Variants in FHIT observed in about 807,000 individuals in gnomAD.
FHIT encodes fragile histidine triad diadenosine triphosphatase.
FHIT carries 19 observed loss-of-function variants against 17.9 expected under a neutral mutation model. That is an observed-to-expected ratio of 1.06 (90% CI 0.74 to 1.56). The LOEUF (loss-of-function observed/expected upper bound fraction) is 1.56. FHIT is among the 40% of genes most tolerant of loss of function. The probability of loss-of-function intolerance (pLI) is 0.00; values close to 1 mark genes in which losing one functional copy is unlikely to be tolerated. For synonymous variants in FHIT, 81 were observed against 69.7 expected (o/e 1.16, Z -0.81); for missense variants, 248 against 189.2 (o/e 1.31, Z -1.82).
intron 4 of FHIT, among the ~76,000 whole-genome samples, chr3:60,571,069 TG>T (rs1202619681): frequency 6.6e-6 from 1 of 152,066 alleles, no homozygotes; most frequent in African/African-American, 2.4e-5. Context: ...GGCTCTCACC[TG>T]TAATCCCAGC....
intron 5 of FHIT, among the ~76,000 whole-genome samples, chr3:60,395,905 T>C (rs570753687): frequency 8.7e-4 from 132 of 152,262 alleles, no homozygotes; most frequent in African/African-American, 3.1e-3. Flanking sequence ...GATTAGTGCT[T>C]AGATTCCATC....
chr3:60,174,238 C>T (rs984309316), intron 5 of FHIT, among the ~76,000 whole-genome samples: 1 of 151,368 alleles, frequency 6.6e-6, no homozygotes, highest in African/African-American at 2.4e-5. Context: ...GACTGAAGTG[C>T]TTTTTAAAAA....
chr3:60,700,975 G>A (rs72875000), intron 4 of FHIT, among the ~76,000 whole-genome samples: 81 of 152,090 alleles, frequency 5.3e-4, no homozygotes, highest in African/African-American at 1.9e-3. Context: ...ATTGTTTAAT[G>A]TACATTCATA....
intron 4 of FHIT, among the ~76,000 whole-genome samples, chr3:60,574,675 A>T (rs145837563): frequency 6.6e-6 from 1 of 152,228 alleles, no homozygotes; most frequent in African/African-American, 2.4e-5. Context: ...AACACTTTGA[A>T]ACAAAGGGCT....
At chr3:61,150,287 A>C (rs573052873) in intron 2 of FHIT, among the ~76,000 whole-genome samples, 32 of 147,390 alleles carry the variant, frequency 2.2e-4, no homozygotes, top group South Asian at 4.5e-4. Flanking sequence ...TCCCCTAGAG[A>C]GATTTTTTTT....
chr3:61,127,213 G>A (rs953272733), intron 2 of FHIT, among the ~76,000 whole-genome samples: 1 of 152,144 alleles, frequency 6.6e-6, no homozygotes, highest in Admixed American at 6.5e-5. Context: ...AATAATCCAA[G>A]TGACAGGTGA....
intron 4 of FHIT, among the ~76,000 whole-genome samples, chr3:60,792,425 C>A (rs1559726478): frequency 6.6e-6 from 1 of 152,154 alleles, no homozygotes; most frequent in African/African-American, 2.4e-5. Flanking sequence ...AAATCTAGAG[C>A]AATTTATGGC....
At chr3:60,942,463 C>G (rs1011360775) in intron 3 of FHIT, among the ~76,000 whole-genome samples, 32 of 152,006 alleles carry the variant, frequency 2.1e-4, no homozygotes, top group African/African-American at 7.7e-4. Context: ...AAGAGTATGG[C>G]CATAAAGAAG....
At chr3:60,576,706 A>G (rs2037577346) in intron 4 of FHIT, among the ~76,000 whole-genome samples, 1 of 152,102 alleles carries the variant, frequency 6.6e-6, no homozygotes, top group Non-Finnish European at 1.5e-5. Context: ...GAGATGTGAG[A>G]TTCTCTGCCT....
intron 5 of FHIT, among the ~76,000 whole-genome samples, chr3:60,022,267 C>T (rs1700580310): frequency 6.6e-6 from 1 of 152,132 alleles, no homozygotes; most frequent in Non-Finnish European, 1.5e-5. Context: ...ATGAAATATG[C>T]TGAGAAGTTG....
chr3:61,183,859 G>A (rs28604875), intron 2 of FHIT, among the ~76,000 whole-genome samples: 1,831 of 151,848 alleles, frequency 0.012, 43 homozygotes, highest in African/African-American at 0.042. Context: ...AGCAGGTCTC[G>A]GTGGCATTAA....
intron 5 of FHIT, among the ~76,000 whole-genome samples, chr3:60,306,833 G>T (rs1708693774): frequency 6.6e-6 from 1 of 152,130 alleles, no homozygotes; most frequent in Admixed American, 6.6e-5. Flanking sequence ...GTGCTCGTCA[G>T]TGCTCAAAGA....
chr3:60,115,027 C>G (rs140339361), intron 5 of FHIT, among the ~76,000 whole-genome samples: 241 of 152,030 alleles, frequency 1.6e-3, no homozygotes, highest in African/African-American at 5.6e-3. Context: ...CATCTCATGT[C>G]AAATATTAAA....
chr3:60,318,545 T>C (rs1709271989), intron 5 of FHIT, among the ~76,000 whole-genome samples: 1 of 152,162 alleles, frequency 6.6e-6, no homozygotes, highest in African/African-American at 2.4e-5. Flanking sequence ...CCCTCTTCCT[T>C]TGGGCCTTGT....
intron 8 of FHIT, among the ~76,000 whole-genome samples, chr3:59,910,378 T>C (rs1249983784): frequency 6.6e-6 from 1 of 152,170 alleles, no homozygotes; most frequent in Non-Finnish European, 1.5e-5. Context: ...TGACTTTTAA[T>C]AGAATGGGAG....
chr3:60,719,772 T>C (rs2041768202), intron 4 of FHIT, among the ~76,000 whole-genome samples: 1 of 152,302 alleles, frequency 6.6e-6, no homozygotes, highest in South Asian at 2.1e-4. Flanking sequence ...AATAGTAAAC[T>C]TGGAGATGGC....
intron 4 of FHIT, among the ~76,000 whole-genome samples, chr3:60,602,523 T>A (rs1293968605): frequency 2.0e-5 from 3 of 148,328 alleles, no homozygotes; most frequent in Non-Finnish European, 3.0e-5. Flanking sequence ...AGAAAAAAAA[T>A]TGCTTGATGA....
intron 4 of FHIT, among the ~76,000 whole-genome samples, chr3:60,782,106 T>C (rs1188509430): frequency 6.6e-6 from 1 of 152,168 alleles, no homozygotes; most frequent in East Asian, 1.9e-4. Flanking sequence ...TGAGAACATA[T>C]GGTATTTGTT....
rs527906329 is a variant in FHIT, at chr3:60,864,081, A to G, written c.-110-42070T>C. The stretch of plus-strand genomic sequence containing the variant: ...CTCATATGGTGGCAGGCAAGAGAGC[A>G]TGTGAAGAAGAATTGCCCTTTATAA... On this transcript the variant is annotated intron_variant, in intron 3 of 9. Transcript: ENST00000492590. Among the ~76,000 whole-genome samples, 126 of 152,188 alleles carry G rather than the reference A, an allele frequency of 8.3e-4. 2 individuals are homozygous for G. Among genetic ancestry groups the G allele is most frequent in the Non-Finnish European group, 8.2e-4 (56 of 68,044 alleles).
Sources: gnomAD v4.1 joint callset for allele counts (sites outside exome capture counted in the v4.1 genomes callset) on GRCh38, gnomAD v4.1.1 for gene constraint, MANE v1.5 for transcripts, NCBI Gene and HGNC (gene_info 2026-07-23, HGNC 2026-07-21) for gene names.